Variants in ADAMTS6 observed in about 807,000 individuals in gnomAD.
The protein encoded by ADAMTS6 is A disintegrin and metalloproteinase with thrombospondin motifs 6.
In ADAMTS6, 23 loss-of-function variants were observed where a neutral mutation model predicts 144.3. The ratio of observed to expected loss-of-function variants is 0.16; its 90% CI spans 0.11 to 0.23. ADAMTS6 has a LOEUF of 0.23. ADAMTS6 is among the 10% of genes least tolerant of loss of function. The pLI is 1.00. For synonymous variants in ADAMTS6, 444 were observed against 457.5 expected (o/e 0.97, Z 0.38); for missense variants, 999 against 1,379.6 (o/e 0.72, Z 4.37).
chr5:65,255,354 A>C (rs1760555743), intron 14 of ADAMTS6, among the ~76,000 whole-genome samples: 1 of 151,972 alleles, frequency 6.6e-6, no homozygotes, highest in Admixed American at 6.6e-5. Context: ...GATTTCTGAG[A>C]TTCTGCAGCG....
At chr5:65,479,746 G>T (rs1225428243) in intron 1 of ADAMTS6, among the ~76,000 whole-genome samples, 1 of 152,190 alleles carries the variant, frequency 6.6e-6, no homozygotes, top group Non-Finnish European at 1.5e-5. Flanking sequence ...GCTAAGAGTA[G>T]ACAAGAGTAG....
At position 65,149,307 on chromosome 5, in the gene ADAMTS6, T is replaced by TG. The variant is rs1045812222; in HGVS notation, c.*2528dup. The TG allele has an allele frequency of 2.0e-5, 3 of 152,202 alleles. No homozygotes were observed. Among genetic ancestry groups the TG allele is most frequent in the Admixed American group, 1.3e-4 (2 of 15,282 alleles). 9.4% of individuals were successfully genotyped at this position (152,202 alleles called of 1,614,324 possible). A position where few individuals can be genotyped will look rare whatever the true frequency, so the allele number is the denominator to read the frequency against. ...TTAGGAATAGGGCATCATGTAGCCA[T>TG]GGGGGTGGCTACAGAGTAGCAGCAG... On this transcript the variant is annotated 3_prime_UTR_variant, in exon 25 of 25. Coordinates refer to ENST00000381055, the MANE Select transcript of ADAMTS6 (RefSeq NM_197941.4).
At chr5:65,339,455 CAA>C (rs538468970) in intron 7 of ADAMTS6, among the ~76,000 whole-genome samples, 47 of 108,656 alleles carry the variant, frequency 4.3e-4, no homozygotes, top group African/African-American at 1.3e-3. Context: ...ATAAAAAAAG[CAA>C]AAAAAAAAAA....
chr5:65,398,343 C>G (rs137976201), intron 7 of ADAMTS6, among the ~76,000 whole-genome samples: 294 of 152,300 alleles, frequency 1.9e-3, no homozygotes, highest in African/African-American at 6.7e-3. Flanking sequence ...ATTGTTATGT[C>G]TCTTGCAGAA....
chr5:65,149,431 C>G lies in ADAMTS6; in HGVS notation c.*2405G>C, dbSNP rs565506567. The stretch of plus-strand genomic sequence containing the variant: ...TCATCCTGTTACATTCTGTGCGTGG[C>G]TCCCTCTAGAAAGGCACTCTGATGC... On this transcript the variant is annotated 3_prime_UTR_variant, in exon 25 of 25. Coordinates refer to ENST00000381055, the MANE Select transcript of ADAMTS6 (RefSeq NM_197941.4). The G allele has an allele frequency of 6.6e-6, 1 of 152,352 alleles. No homozygotes were observed. Among genetic ancestry groups the G allele is most frequent in the Admixed American group, 6.5e-5 (1 of 15,300 alleles). 9.4% of individuals were successfully genotyped at this position (152,352 alleles called of 1,614,324 possible).
At chr5:65,480,989 ACAT>A (rs1372631302) in intron 1 of ADAMTS6, among the ~76,000 whole-genome samples, 25 of 152,288 alleles carry the variant, frequency 1.6e-4, no homozygotes, top group African/African-American at 5.8e-4. Flanking sequence ...TAAAACACAC[ACAT>A]CATTATTACC....
At chr5:65,434,627 T>C (rs1380780874) in intron 7 of ADAMTS6, among the ~76,000 whole-genome samples, 1 of 152,176 alleles carries the variant, frequency 6.6e-6, no homozygotes, top group Non-Finnish European at 1.5e-5. Context: ...TCTCTAAGTC[T>C]TCCCTTATTG....
intron 9 of ADAMTS6, among the ~76,000 whole-genome samples, chr5:65,322,697 T>C (rs1745746304): frequency 1.3e-5 from 2 of 152,146 alleles, no homozygotes; most frequent in Admixed American, 6.5e-5. Flanking sequence ...TGTTGGTCTA[T>C]AGGAATGCTA....
At chr5:65,467,327 CTT>C (rs1293622302) in intron 3 of ADAMTS6, among the ~76,000 whole-genome samples, 2 of 151,534 alleles carry the variant, frequency 1.3e-5, no homozygotes, top group African/African-American at 2.4e-5. Flanking sequence ...GAAGGAGGGT[CTT>C]TATTAAAAGC....
intron 24 of ADAMTS6, among the ~76,000 whole-genome samples, chr5:65,168,241 C>T (rs1284517751): frequency 6.7e-6 from 1 of 149,840 alleles, no homozygotes; most frequent in South Asian, 2.1e-4. Flanking sequence ...ACACCAACAA[C>T]AGACAAACAG....
chr5:65,379,331 C>T (rs79616685), intron 7 of ADAMTS6, among the ~76,000 whole-genome samples: 4,740 of 152,166 alleles, frequency 0.031, 255 homozygotes, highest in African/African-American at 0.11. Flanking sequence ...CATCTTTGCT[C>T]CATTTTTATA....
chr5:65,442,149 G>C (rs944062154), intron 7 of ADAMTS6, among the ~76,000 whole-genome samples: 3 of 148,052 alleles, frequency 2.0e-5, no homozygotes, highest in Non-Finnish European at 4.5e-5. Flanking sequence ...TCTAGCCACA[G>C]TGATTAGAAA....
At chr5:65,420,664 A>AG (rs113132817) in intron 7 of ADAMTS6, among the ~76,000 whole-genome samples, 92,931 of 152,030 alleles carry the variant, frequency 0.61, 30,336 homozygotes, top group African/African-American at 0.85. Flanking sequence ...TACAGGCGTG[A>AG]CCACTGCGCC....
Position 65,397,646 on chromosome 5 carries a change from G to C in ADAMTS6, c.1073+53829C>G, listed in dbSNP as rs543933932. Among the ~76,000 whole-genome samples the C allele has an allele frequency of 5.8e-4, 88 of 152,106 alleles. 2 individuals carry two copies. The highest frequency in any genetic ancestry group is 6.8e-3 in the Middle Eastern group (2 of 294). Reference sequence around the variant, plus strand: ...AATCCCAGGATTTTGGTAGGCCCAGGAGACCAGATTGCTTGAGCTCAGGAG... The same window carrying C: ...AATCCCAGGATTTTGGTAGGCCCAGCAGACCAGATTGCTTGAGCTCAGGAG... On this transcript the variant is annotated intron_variant, in intron 7 of 24. Transcript: ENST00000381055.
At chr5:65,308,042 C>T (rs1369423616) in intron 9 of ADAMTS6, among the ~76,000 whole-genome samples, 1 of 152,168 alleles carries the variant, frequency 6.6e-6, no homozygotes, top group African/African-American at 2.4e-5. Context: ...CCAGACCAAA[C>T]TAGTAAAGTT....
intron 10 of ADAMTS6, among the ~76,000 whole-genome samples, chr5:65,299,587 T>C (rs1246331333): frequency 6.6e-6 from 1 of 152,150 alleles, no homozygotes; most frequent in Non-Finnish European, 1.5e-5. Flanking sequence ...GTTGTTGTTG[T>C]TGTTTGTTAC....
At chr5:65,160,932 G>A (rs1425448579) in intron 24 of ADAMTS6, among the ~76,000 whole-genome samples, 2 of 152,050 alleles carry the variant, frequency 1.3e-5, no homozygotes, top group African/African-American at 4.8e-5. Flanking sequence ...GATTATAGGC[G>A]TGAGCCACCA....
At chr5:65,321,633 G>T (rs1745615835) in intron 9 of ADAMTS6, among the ~76,000 whole-genome samples, 1 of 146,234 alleles carries the variant, frequency 6.8e-6, no homozygotes, top group Admixed American at 6.9e-5. Flanking sequence ...GTCCTGAATT[G>T]TATTGCCTAG....
At chr5:65,428,684 T>C (rs757714259) in intron 7 of ADAMTS6, among the ~76,000 whole-genome samples, 18 of 152,196 alleles carry the variant, frequency 1.2e-4, no homozygotes, top group Non-Finnish European at 2.2e-4. Context: ...GGGACCCTGA[T>C]ACACAACAAA....
Sources: allele counts gnomAD v4.1 joint callset (sites outside exome capture counted in the v4.1 genomes callset), GRCh38; gene constraint gnomAD v4.1.1; transcripts MANE v1.5; gene names NCBI Gene and HGNC (gene_info 2026-07-23, HGNC 2026-07-21).